The following KALRN variants were observed in gnomAD, a reference collection of about 807,000 sequenced individuals.
KALRN encodes the protein kalirin RhoGEF kinase, also known as kalirin.
A neutral mutation model predicts 353.7 loss-of-function variants in KALRN; 70 were observed. The observed-to-expected ratio is 0.20, with a 90% CI of 0.16 to 0.24. KALRN has a LOEUF of 0.24. Ranked by LOEUF, KALRN falls within the 10% of genes least tolerant of loss-of-function variation. KALRN has a pLI of 1.00. For missense variants in KALRN, 2,791 were observed against 3,756.7 expected (o/e 0.74, Z 6.72); for synonymous variants, 1,391 against 1,434.8 (o/e 0.97, Z 0.69).
intron 5 of KALRN, among the ~76,000 whole-genome samples, chr3:124,281,590 C>G (rs987140378): frequency 1.3e-5 from 2 of 152,242 alleles, no homozygotes; most frequent in African/African-American, 4.8e-5. Context: ...AACCCTCCCC[C>G]AGCTGAAGGT....
intron 18 of KALRN, among the ~76,000 whole-genome samples, chr3:124,440,896 T>C (rs1165535208): frequency 1.3e-5 from 2 of 151,874 alleles, no homozygotes; most frequent in East Asian, 3.9e-4. Flanking sequence ...TCCTAGATCC[T>C]AGATCTGTGT....
In KALRN at chr3:124,572,004, G is replaced by A. The variant is rs1384652192; in HGVS notation, c.5182+8915G>A. Among the ~76,000 whole-genome samples the A allele has an allele frequency of 2.0e-5, 3 of 151,844 alleles. No homozygotes were observed. In the East Asian group the frequency reaches 5.8e-4, roughly 29 times the overall value. ...GAGGTCCAATTTTTTAATTTGGGGT[G>A]CATGAAATCTCCATTTTTGTAGTAA... On this transcript the variant is annotated intron_variant, in intron 34 of 59. Transcript: ENST00000682506.
At position 124,422,922 on chromosome 3, in the gene KALRN, C is replaced by T. The variant is rs2092846231; in HGVS notation, c.2653C>T (p.His885Tyr). Residue 885 changes from histidine to tyrosine, a missense_variant, in exon 15 of 60, where the codon CAT becomes TAT. By Grantham distance (83) the His-to-Tyr change is moderately conservative. Coordinates refer to ENST00000682506, the MANE Select transcript of KALRN (RefSeq NM_001388419.1). Reference sequence around the variant, plus strand: ...ATTGGAGCTCAATGCAGAGCAGACTCATAAGCGGCTAGAGCAGTGCCTCCA... The same window carrying T: ...ATTGGAGCTCAATGCAGAGCAGACTTATAAGCGGCTAGAGCAGTGCCTCCA... ...HELELNAEQT[H>Y]KRLEQCLQLR... 2 of 1,613,732 alleles carry T rather than the reference C, an allele frequency of 1.2e-6. No homozygotes were observed. Among genetic ancestry groups the T allele is most frequent in the South Asian group, 2.2e-5 (2 of 91,068 alleles).
intron 3 of KALRN, among the ~76,000 whole-genome samples, chr3:124,248,540 G>A (rs902549977): frequency 4.6e-4 from 70 of 152,188 alleles, no homozygotes; most frequent in African/African-American, 1.6e-3. Flanking sequence ...ATGACAGCCA[G>A]CCCCATTTCT....
At chr3:124,230,046 T>G (rs1579715610) in intron 2 of KALRN, among the ~76,000 whole-genome samples, 1 of 152,212 alleles carries the variant, frequency 6.6e-6, no homozygotes, top group Non-Finnish European at 1.5e-5. Context: ...GCTAAGCATA[T>G]GGGAAGACCT....
intron 34 of KALRN, among the ~76,000 whole-genome samples, chr3:124,568,905 G>C (rs1026624806): frequency 6.6e-6 from 1 of 152,318 alleles, no homozygotes. Context: ...TCTGGAGATG[G>C]ATGGTGATGA....
At chr3:124,669,794 G>A (rs1013653591) in intron 47 of KALRN, among the ~76,000 whole-genome samples, 1 of 151,978 alleles carries the variant, frequency 6.6e-6, no homozygotes, top group Non-Finnish European at 1.5e-5. Flanking sequence ...TATGACCTGT[G>A]TACATCATCC....
At chr3:124,558,890 ACT>A (rs1431080667) in intron 33 of KALRN, among the ~76,000 whole-genome samples, 1 of 152,124 alleles carries the variant, frequency 6.6e-6, no homozygotes, top group Non-Finnish European at 1.5e-5. Context: ...TCCTGTCCTC[ACT>A]CTCTGGATGC....
intron 1 of KALRN, among the ~76,000 whole-genome samples, chr3:124,114,832 C>A (rs1388403665): frequency 1.3e-5 from 2 of 152,196 alleles, no homozygotes; most frequent in Non-Finnish European, 2.9e-5. Context: ...AATGGGATGT[C>A]TTGTCTGGTG....
intron 1 of KALRN, among the ~76,000 whole-genome samples, chr3:124,207,002 G>T (rs973808233): frequency 6.6e-6 from 1 of 152,196 alleles, no homozygotes; most frequent in African/African-American, 2.4e-5. Flanking sequence ...AGAGTGAAGG[G>T]ACTATTGGGC....
At position 124,456,660 on chromosome 3, in the gene KALRN, G is replaced by A. The variant is rs1243664117; in HGVS notation, c.3786G>A (p.Arg1262=). ...LDIIPASLSD[R]EVKLRDANHE... ...TTATCCCAGCAAGCCTTTCGGATCG[G>A]GAGGTCAAGCTGCGGGACGCCAACC... The change falls in exon 23 of 60, where the codon CGG becomes CGA. Residue 1262 remains arginine, a synonymous_variant. Transcript: ENST00000682506. 2 of 1,613,442 alleles carry A rather than the reference G, an allele frequency of 1.2e-6. No individual in the cohort carries two copies. Among genetic ancestry groups the A allele is most frequent in the African/African-American group, 1.3e-5 (1 of 74,910 alleles).
At chr3:124,618,974 T>C (rs1377101400) in intron 34 of KALRN, among the ~76,000 whole-genome samples, 1 of 152,234 alleles carries the variant, frequency 6.6e-6, no homozygotes, top group African/African-American at 2.4e-5. Flanking sequence ...ATGAATGTTA[T>C]GGTATATATC....
intron 1 of KALRN, among the ~76,000 whole-genome samples, chr3:124,179,081 T>G (rs1216640664): frequency 2.0e-5 from 3 of 152,124 alleles, no homozygotes; most frequent in Non-Finnish European, 4.4e-5. Context: ...CATTCCAGCC[T>G]GCTGGGTGAC....
intron 1 of KALRN, chr3:124,152,240 C>G: frequency 6.4e-7 from 1 of 1,568,662 alleles, no homozygotes; most frequent in Non-Finnish European, 8.7e-7. Flanking sequence ...TAGATTAGTT[C>G]ATTTACTGAC....
chr3:124,546,536 C>T (rs1331161841), intron 33 of KALRN, among the ~76,000 whole-genome samples: 1 of 152,088 alleles, frequency 6.6e-6, no homozygotes, highest in Non-Finnish European at 1.5e-5. Context: ...TTCATATGGA[C>T]TCCAATATAG....
intron 34 of KALRN, among the ~76,000 whole-genome samples, chr3:124,566,294 C>T (rs558315180): frequency 5.7e-4 from 87 of 152,154 alleles, no homozygotes; most frequent in South Asian, 2.7e-3. Context: ...CAGGCTCAGG[C>T]GTTCGAGACC....
At chr3:124,401,602 C>T (rs1464087228) in intron 13 of KALRN, among the ~76,000 whole-genome samples, 1 of 152,156 alleles carries the variant, frequency 6.6e-6, no homozygotes, top group East Asian at 1.9e-4. Flanking sequence ...TACTGGACAA[C>T]CTGGTATGCA....
intron 4 of KALRN, among the ~76,000 whole-genome samples, chr3:124,266,563 C>A (rs539869226): frequency 3.9e-5 from 6 of 152,264 alleles, no homozygotes; most frequent in Non-Finnish European, 8.8e-5. Context: ...AATTCTAGTC[C>A]TCATCTGCAA....
intron 33 of KALRN, among the ~76,000 whole-genome samples, chr3:124,501,941 C>T (rs577253001): frequency 1.1e-4 from 16 of 152,268 alleles, no homozygotes; most frequent in East Asian, 3.9e-4. Flanking sequence ...CTGTAAATTG[C>T]GTCAGAGATA....
Sources: allele counts gnomAD v4.1 joint callset (sites outside exome capture counted in the v4.1 genomes callset), GRCh38; gene constraint gnomAD v4.1.1; transcripts MANE v1.5; gene names NCBI Gene and HGNC (gene_info 2026-07-23, HGNC 2026-07-21).